The following PLCB4 variants were observed in gnomAD, a reference collection of about 807,000 sequenced individuals.
PLCB4 encodes the protein 1-phosphatidylinositol 4,5-bisphosphate phosphodiesterase beta-4.
A neutral mutation model predicts 178.8 loss-of-function variants in PLCB4; 77 were observed. The observed-to-expected ratio is 0.43, with a 90% CI of 0.36 to 0.52. The LOEUF is 0.52. PLCB4 is among the 20% of genes least tolerant of loss of function. The probability of loss-of-function intolerance (pLI) is 0.00; values close to 1 mark genes in which losing one functional copy is unlikely to be tolerated. For missense variants in PLCB4, 1,024 were observed against 1,453.4 expected, an observed-to-expected ratio of 0.70 and a Z score of 4.80; for synonymous variants, 496 against 490.8, an observed-to-expected ratio of 1.01 and a Z score of -0.14.
At chr20:9,073,571 T>C (rs1270507365) in intron 1 of PLCB4, among the ~76,000 whole-genome samples, 1 of 152,186 alleles carries the variant, frequency 6.6e-6, no homozygotes, top group Admixed American at 6.5e-5. Context: ...TTTTAGGTAT[T>C]TAATTTTATA....
At chr20:9,122,683 T>C (rs2091998121) in intron 2 of PLCB4, among the ~76,000 whole-genome samples, 1 of 152,150 alleles carries the variant, frequency 6.6e-6, no homozygotes, top group Non-Finnish European at 1.5e-5. Flanking sequence ...CACGCGCATG[T>C]AAAGAAAGGA....
At chr20:9,181,853 G>A (rs1297886412) in intron 2 of PLCB4, among the ~76,000 whole-genome samples, 1 of 152,132 alleles carries the variant, frequency 6.6e-6, no homozygotes, top group African/African-American at 2.4e-5. Flanking sequence ...TAATTGTTCT[G>A]TAGAGCTTCT....
At chr20:9,212,746 T>C (rs993767539) in intron 2 of PLCB4, among the ~76,000 whole-genome samples, 1 of 152,184 alleles carries the variant, frequency 6.6e-6, no homozygotes, top group African/African-American at 2.4e-5. Flanking sequence ...ATAAATTTTA[T>C]CACTTACTGT....
intron 7 of PLCB4, among the ~76,000 whole-genome samples, chr20:9,360,586 T>C (rs2035236455): frequency 6.6e-6 from 1 of 152,166 alleles, no homozygotes; most frequent in Non-Finnish European, 1.5e-5. Flanking sequence ...CAATTATTTG[T>C]GCTTTTTCTG....
In PLCB4 at chr20:9,371,292, A is replaced by G. The variant is rs1186199977; in HGVS notation, c.582A>G (p.Gly194=). ...QALKELGLPS[G]KNDEIEPTAF... The stretch of plus-strand genomic sequence containing the variant: ...TCAAGGAGTTAGGTCTTCCCAGTGG[A>G]AAGGTATGCATTAACTTAATAATGT... The change falls in exon 10 of 40, where the codon GGA becomes GGG. Residue 194 remains glycine (G), a synonymous_variant. Transcript: ENST00000378473. The G allele has an allele frequency of 6.5e-7, 1 of 1,548,806 alleles. No homozygotes were observed. The highest frequency in any genetic ancestry group is 8.9e-7 in the Non-Finnish European group (1 of 1,120,998).
intron 38 of PLCB4, among the ~76,000 whole-genome samples, chr20:9,474,301 A>T (rs1371844856): frequency 6.6e-6 from 1 of 152,036 alleles, no homozygotes; most frequent in Non-Finnish European, 1.5e-5. Context: ...ATGTATTTTT[A>T]TCTGGTGCAT....
At chr20:9,393,565 C>G in intron 17 of PLCB4, 23 bp from the exon 18 acceptor site, 6 of 1,502,976 alleles carry the variant, frequency 4.0e-6, no homozygotes, top group Non-Finnish European at 5.6e-6. Context: ...TTCCTTAATT[C>G]AGCTCTTTCT....
At chr20:9,310,555 A>AT (rs1258657387) in intron 4 of PLCB4, among the ~76,000 whole-genome samples, 1 of 127,900 alleles carries the variant, frequency 7.8e-6, no homozygotes, top group African/African-American at 3.3e-5. Flanking sequence ...CTAAAAATAT[A>AT]AAAAAAAATA....
At chr20:9,177,801 T>G (rs1261816722) in intron 2 of PLCB4, among the ~76,000 whole-genome samples, 1 of 152,220 alleles carries the variant, frequency 6.6e-6, no homozygotes, top group African/African-American at 2.4e-5. Context: ...ACTTTCCATG[T>G]TTTAAACTTT....
intron 1 of PLCB4, among the ~76,000 whole-genome samples, chr20:9,092,336 G>C (rs1347083821): frequency 6.6e-6 from 1 of 152,128 alleles, no homozygotes; most frequent in African/African-American, 2.4e-5. Flanking sequence ...GCACAGTGTG[G>C]CTCGGTAGAG....
intron 15 of PLCB4, among the ~76,000 whole-genome samples, chr20:9,389,554 G>C (rs1270364004): frequency 6.6e-6 from 1 of 152,222 alleles, no homozygotes; most frequent in Non-Finnish European, 1.5e-5. Context: ...TCCTCAAGAA[G>C]AAAGGTGGAC....
intron 3 of PLCB4, among the ~76,000 whole-genome samples, chr20:9,234,864 C>A (rs576528136): frequency 6.6e-6 from 1 of 152,268 alleles, no homozygotes. Flanking sequence ...AGAAGGGTTA[C>A]TGGACAATGC....
rs150394632 is a variant in PLCB4 at position 9,188,394 on chromosome 20, A to G, written c.-78-28996A>G. Among the ~76,000 whole-genome samples the G allele has an allele frequency of 3.1e-3, 476 of 152,316 alleles. 5 individuals are homozygous for G. The highest frequency in any genetic ancestry group is 0.011 in the African/African-American group (460 of 41,582). On this transcript the variant is annotated intron_variant, in intron 2 of 39. Transcript: ENST00000378473. ...GCAAGGACATCCTTCTTCAACTTGG[A>G]GAGGGTTGGGGAGTAGGACTGGTTG... is the stretch of plus-strand genomic sequence containing the variant.
rs1457485041 is a variant in PLCB4, at chr20:9,093,505, AG to A, written c.-134-2781del. On this transcript the variant is annotated intron_variant, in intron 1 of 39. Transcript: ENST00000378473. ...ATTGTTTCTTTATTGGAAAGGAAAC[AG>A]ATTGTTTTAGGCCAGGAAAGCTTGC... is the stretch of plus-strand genomic sequence containing the variant. Among the ~76,000 whole-genome samples the A allele has an allele frequency of 1.6e-4, 24 of 152,212 alleles. 2 individuals are homozygous for A. The highest frequency in any genetic ancestry group is 8.8e-5 in the Non-Finnish European group (6 of 68,040).
chr20:9,176,359 G>T (rs1296099962), intron 2 of PLCB4, among the ~76,000 whole-genome samples: 4 of 152,138 alleles, frequency 2.6e-5, no homozygotes, highest in Non-Finnish European at 5.9e-5. Context: ...GGGTAAATAA[G>T]AATGGAATGG....
rs564791955 is a variant in PLCB4 at position 9,408,389 on chromosome 20, T to C, written c.1790-244T>C. Among the ~76,000 whole-genome samples, 7 of 123,568 alleles carry C rather than the reference T, an allele frequency of 5.7e-5. No individual in the cohort carries two copies. The East Asian group carries it at 1.4e-3, about 25-fold the overall frequency. 81.1% of individuals were successfully genotyped at this position (123,568 alleles called of 152,430 possible). On this transcript the variant is annotated intron_variant, in intron 22 of 39. Transcript: ENST00000378473. ...ACATAAGAAGTATTTAAAAACTTCA[T>C]TTCTGGGCTAGAGAAGCCATCGTAA...
At chr20:9,192,602 T>C (rs2093419839) in intron 2 of PLCB4, among the ~76,000 whole-genome samples, 2 of 149,466 alleles carry the variant, frequency 1.3e-5, no homozygotes, top group Admixed American at 6.7e-5. Context: ...CACCGTTCAC[T>C]GTAGCCTCGT....
chr20:9,402,562 G>T (rs759914216), intron 20 of PLCB4, among the ~76,000 whole-genome samples: 1 of 152,222 alleles, frequency 6.6e-6, no homozygotes, highest in Non-Finnish European at 1.5e-5. Context: ...TGCTGTGGTT[G>T]CCATATGGAG....
intron 2 of PLCB4, among the ~76,000 whole-genome samples, chr20:9,168,361 C>T (rs2093007180): frequency 1.3e-5 from 2 of 152,112 alleles, no homozygotes; most frequent in African/African-American, 4.8e-5. Flanking sequence ...TGTTTACCTG[C>T]ACCTGTTTAC....
Sources: allele counts gnomAD v4.1 joint callset (sites outside exome capture counted in the v4.1 genomes callset), GRCh38; gene constraint gnomAD v4.1.1; transcripts MANE v1.5; gene names NCBI Gene and HGNC (gene_info 2026-07-23, HGNC 2026-07-21).